The following C4orf50 variants were observed in gnomAD, a reference collection of about 807,000 sequenced individuals.
C4orf50 encodes uncharacterized protein C4orf50.
A neutral mutation model predicts 77.2 loss-of-function variants in C4orf50; 80 were observed. That is an observed-to-expected ratio of 1.04 (90% CI 0.87 to 1.25). C4orf50 has a LOEUF of 1.25. C4orf50 is among the 50% of genes most tolerant of loss of function. The probability of loss-of-function intolerance (pLI) is 0.00; values close to 1 mark genes in which losing one functional copy is unlikely to be tolerated. For missense variants in C4orf50, 1,257 were observed against 1,152.9 expected (o/e 1.09, Z -1.31); for synonymous variants, 532 against 465.3 (o/e 1.14, Z -1.84).
At chr4:6,002,108 A>T (rs1721855530) in intron 25 of C4orf50, among the ~76,000 whole-genome samples, 1 of 152,252 alleles carries the variant, frequency 6.6e-6, no homozygotes, top group Non-Finnish European at 1.5e-5. Context: ...ATGTGATCAA[A>T]TTAAGGTGAG....
At chr4:5,941,096 G>A (rs115723719) in intron 7 of C4orf50, among the ~76,000 whole-genome samples, 1 of 152,286 alleles carries the variant, frequency 6.6e-6, no homozygotes, top group African/African-American at 2.4e-5. Context: ...GAGCTTTAGG[G>A]TGGTTTATTA....
rs1560572178 is a variant in C4orf50 at position 5,970,202 on chromosome 4, C to A, written c.4105-2740G>T. The stretch of plus-strand genomic sequence containing the variant: ...GGGGTCGGGGGGCATAGAGAGGAAG[C>A]AAAACAGGCCCAGGAAGGTGCCCTG... On this transcript the variant is annotated intron_variant, in intron 31 of 33. Transcript: ENST00000531445. This position sits in a 1 kb window ranked among gnomAD's most constrained non-coding sequence, Gnocchi z 4.3. Among the ~76,000 whole-genome samples, 1 of 151,000 alleles carries A rather than the reference C, an allele frequency of 6.6e-6. No individual in the cohort carries two copies. The highest frequency in any genetic ancestry group is 2.4e-5 in the African/African-American group (1 of 41,096).
At chr4:5,936,208 GAA>G (rs11333410) in intron 7 of C4orf50, among the ~76,000 whole-genome samples, 9 of 147,216 alleles carry the variant, frequency 6.1e-5, no homozygotes, top group East Asian at 2.0e-4. Flanking sequence ...CATGCTGCAG[GAA>G]AAAAAAAAAA....
chr4:5,915,025 T>C (rs1303898926), intron 7 of C4orf50, among the ~76,000 whole-genome samples: 1 of 152,232 alleles, frequency 6.6e-6, no homozygotes, highest in Non-Finnish European at 1.5e-5. Flanking sequence ...CTCTAAATTC[T>C]ACACCTAAAA....
At position 5,938,465 on chromosome 4, in the gene C4orf50, G is replaced by A. The variant is rs1577909598; in HGVS notation, c.*2474+18436C>T. Among the ~76,000 whole-genome samples, 3 of 152,158 alleles carry A rather than the reference G, an allele frequency of 2.0e-5. No homozygotes were observed. The South Asian group carries it at 6.2e-4, about 31-fold the overall frequency. On this transcript the variant is annotated intron_variant, in intron 7 of 7. Coordinates refer to the C4orf50 transcript ENST00000324058. ...CAAGGATCCAAGGGTCACAGCGGGA[G>A]GGGCCCTCTGATCTAAGGAGGTGGC...
At chr4:5,991,209 C>G (rs1346172011) in intron 27 of C4orf50, among the ~76,000 whole-genome samples, 3 of 152,212 alleles carry the variant, frequency 2.0e-5, no homozygotes, top group Admixed American at 2.0e-4. Flanking sequence ...TCTAACTCCC[C>G]CTATAGCCCT....
chr4:5,914,788 T>C (rs930050559), intron 7 of C4orf50, among the ~76,000 whole-genome samples: 1 of 152,202 alleles, frequency 6.6e-6, no homozygotes, highest in African/African-American at 2.4e-5. Flanking sequence ...CTTGAGCTTG[T>C]TTTACAAGGC....
At chr4:5,948,651 C>A (rs571443737) in intron 7 of C4orf50, among the ~76,000 whole-genome samples, 2 of 152,118 alleles carry the variant, frequency 1.3e-5, no homozygotes, top group Admixed American at 1.3e-4. Context: ...AAAAATTAGC[C>A]GGGTGTGGTG....
chr4:5,927,570 G>C (rs1006233562), intron 7 of C4orf50, among the ~76,000 whole-genome samples: 1 of 151,936 alleles, frequency 6.6e-6, no homozygotes, highest in African/African-American at 2.4e-5. Context: ...TGGTGATAGT[G>C]AGGGAGTTCT....
chr4:5,982,163 G>C (rs578143999), intron 28 of C4orf50, among the ~76,000 whole-genome samples: 1 of 152,138 alleles, frequency 6.6e-6, no homozygotes, highest in African/African-American at 2.4e-5. Flanking sequence ...GCTTCAAGAC[G>C]TCAAAACAAC....
intron 31 of C4orf50, among the ~76,000 whole-genome samples, chr4:5,969,632 CTGTG>C (rs1453916384): frequency 1.3e-5 from 2 of 151,960 alleles, no homozygotes; most frequent in South Asian, 2.1e-4. Flanking sequence ...TGTTGGGTGC[CTGTG>C]TGTGACAGGT....
intron 7 of C4orf50, among the ~76,000 whole-genome samples, chr4:5,909,212 C>T (rs950261887): frequency 6.6e-5 from 10 of 152,182 alleles, no homozygotes; most frequent in Non-Finnish European, 8.8e-5. Context: ...TCAAACCCTT[C>T]TACGTCATGC....
chr4:6,004,834 T>TGTGATG (rs906518707), intron 25 of C4orf50, among the ~76,000 whole-genome samples: 4 of 113,884 alleles, frequency 3.5e-5, no homozygotes, highest in Non-Finnish European at 7.4e-5. Flanking sequence ...ATAGTGATGA[T>TGTGATG]GTGATGGTGA....
chr4:5,987,792 G>A (rs566198200), intron 28 of C4orf50, among the ~76,000 whole-genome samples: 2 of 152,292 alleles, frequency 1.3e-5, no homozygotes, highest in South Asian at 2.1e-4. Flanking sequence ...CATTATGAGT[G>A]TTTTATCCCA....
intron 7 of C4orf50, among the ~76,000 whole-genome samples, chr4:5,926,661 C>G (rs917638111): frequency 4.6e-5 from 7 of 151,970 alleles, no homozygotes; most frequent in African/African-American, 1.7e-4. Flanking sequence ...AGCACAGTAC[C>G]TGTGTCCCCG....
chr4:5,935,094 T>G (rs1717948444), intron 7 of C4orf50, among the ~76,000 whole-genome samples: 1 of 152,200 alleles, frequency 6.6e-6, no homozygotes, highest in African/African-American at 2.4e-5. Flanking sequence ...AAGCTCTAGG[T>G]TCATAATTAC....
intron 29 of C4orf50, among the ~76,000 whole-genome samples, chr4:5,977,353 T>C (rs1720346129): frequency 6.6e-6 from 1 of 152,192 alleles, no homozygotes; most frequent in African/African-American, 2.4e-5. Context: ...ACCCCCAAAC[T>C]CTTCGGACCA....
At position 5,970,637 on chromosome 4, in the gene C4orf50, C is replaced by T. The variant is rs555165269; in HGVS notation, c.4104+3022G>A. ...CGACTCTGAGGCTCAATTTCCACCA[C>T]GCACCCAAACCAGGACAAGAAAAGA... On this transcript the variant is annotated intron_variant, in intron 31 of 33. Transcript: ENST00000531445. This position sits in a 1 kb window ranked among gnomAD's most constrained non-coding sequence, Gnocchi z 4.3. Among the ~76,000 whole-genome samples the T allele has an allele frequency of 3.3e-5, 5 of 152,316 alleles. No individual in the cohort carries two copies. The highest frequency in any genetic ancestry group is 9.6e-5 in the African/African-American group (4 of 41,578).
At chr4:5,912,293 GTA>G (rs1716842791) in intron 7 of C4orf50, among the ~76,000 whole-genome samples, 2 of 141,186 alleles carry the variant, frequency 1.4e-5, no homozygotes, top group African/African-American at 2.7e-5. Context: ...GTGTGTGTGT[GTA>G]TTTGGGGAAG....
Sources: gnomAD v4.1 joint callset for allele counts (sites outside exome capture counted in the v4.1 genomes callset) on GRCh38, gnomAD v4.1.1 for gene constraint, Gnocchi (gnomAD v3.1) non-coding constraint, MANE v1.5 for transcripts, NCBI Gene and HGNC (gene_info 2026-07-23, HGNC 2026-07-21) for gene names.